Variants in GRIP1 observed in about 807,000 individuals in gnomAD.
GRIP1 encodes glutamate receptor interacting protein 1.
In GRIP1, 45 loss-of-function variants were observed where a neutral mutation model predicts 129.9. The observed-to-expected ratio is 0.35, with a 90% confidence interval of 0.27 to 0.44. The LOEUF (loss-of-function observed/expected upper bound fraction) is 0.44. Ranked by LOEUF, GRIP1 falls within the 20% of genes least tolerant of loss-of-function variation. GRIP1 has a pLI of 1.00. For missense variants in GRIP1, 1,196 were observed against 1,396.8 expected (o/e 0.86, Z 2.29); for synonymous variants, 530 against 520.8 (o/e 1.02, Z -0.24).
At chr12:66,476,970 G>C (rs1482902399) in intron 7 of GRIP1, among the ~76,000 whole-genome samples, 1 of 152,172 alleles carries the variant, frequency 6.6e-6, no homozygotes, top group Non-Finnish European at 1.5e-5. Flanking sequence ...ACCGGCACAA[G>C]ACAGGGATGC....
chr12:66,507,051 G>A (rs980091776), intron 7 of GRIP1, among the ~76,000 whole-genome samples: 11 of 152,094 alleles, frequency 7.2e-5, no homozygotes, highest in African/African-American at 9.7e-5. Context: ...AAGTTAAGTC[G>A]GTAACCCACA....
At chr12:66,566,248 G>A (rs2062753039) in intron 2 of GRIP1, among the ~76,000 whole-genome samples, 1 of 152,144 alleles carries the variant, frequency 6.6e-6, no homozygotes, top group African/African-American at 2.4e-5. Context: ...TATGATATTG[G>A]CTGTGGGTTT....
intron 1 of GRIP1, among the ~76,000 whole-genome samples, chr12:66,715,571 T>C (rs961393031): frequency 6.6e-6 from 1 of 151,754 alleles, no homozygotes; most frequent in East Asian, 1.9e-4. Flanking sequence ...TTTTCATCTT[T>C]GTTGCCCCTG....
intron 1 of GRIP1, among the ~76,000 whole-genome samples, chr12:66,658,255 T>C (rs1045870423): frequency 6.6e-6 from 1 of 152,208 alleles, no homozygotes; most frequent in African/African-American, 2.4e-5. Flanking sequence ...CAAATTACTT[T>C]GAGAACTTAA....
chr12:66,402,598 A>G (rs889520007), intron 16 of GRIP1, among the ~76,000 whole-genome samples: 22 of 152,232 alleles, frequency 1.4e-4, no homozygotes, highest in Non-Finnish European at 2.8e-4. Context: ...ACTTCCTGTG[A>G]CCAGAGAGAG....
chr12:66,967,656 C>T (rs999187368), intron 1 of GRIP1, among the ~76,000 whole-genome samples: 1 of 152,152 alleles, frequency 6.6e-6, no homozygotes, highest in African/African-American at 2.4e-5. Flanking sequence ...AGACTACAGG[C>T]TATTCAAAAT....
intron 1 of GRIP1, among the ~76,000 whole-genome samples, chr12:66,969,900 T>C (rs1701577169): frequency 1.3e-5 from 2 of 152,194 alleles, no homozygotes; most frequent in African/African-American, 2.4e-5. Context: ...TTCTTAGCTC[T>C]TTCATCGCTC....
chr12:66,633,694 A>T (rs1312796311), intron 1 of GRIP1, among the ~76,000 whole-genome samples: 2 of 152,186 alleles, frequency 1.3e-5, no homozygotes, highest in African/African-American at 4.8e-5. Flanking sequence ...TTTAACTATA[A>T]GTGACAGAAC....
intron 1 of GRIP1, among the ~76,000 whole-genome samples, chr12:66,688,771 GAAA>G (rs758109287): frequency 3.2e-5 from 4 of 124,070 alleles, no homozygotes; most frequent in African/African-American, 3.0e-5. Context: ...CACTGACTCT[GAAA>G]AAAAAAAAAA....
chr12:67,036,759 T>C (rs1284117874), intron 1 of GRIP1, among the ~76,000 whole-genome samples: 1 of 152,126 alleles, frequency 6.6e-6, no homozygotes, highest in South Asian at 2.1e-4. Flanking sequence ...TTACTAAACC[T>C]ACCCATCCAT....
intron 7 of GRIP1, among the ~76,000 whole-genome samples, chr12:66,486,321 C>T (rs1436629750): frequency 2.6e-5 from 4 of 151,592 alleles, no homozygotes; most frequent in African/African-American, 9.7e-5. Flanking sequence ...AAAAGTCTTC[C>T]AACTTAAATT....
chr12:66,623,197 G>A (rs752577496), intron 1 of GRIP1, among the ~76,000 whole-genome samples: 3 of 152,138 alleles, frequency 2.0e-5, no homozygotes, highest in Non-Finnish European at 2.9e-5. Flanking sequence ...AACATTTAGA[G>A]ATATAGCCTA....
chr12:66,545,671 G>C (rs902301313), intron 2 of GRIP1, among the ~76,000 whole-genome samples: 2 of 152,146 alleles, frequency 1.3e-5, no homozygotes, highest in African/African-American at 4.8e-5. Flanking sequence ...CAGTGTTTGA[G>C]GCATTGGAGA....
intron 1 of GRIP1, among the ~76,000 whole-genome samples, chr12:66,803,279 C>T (rs1237758198): frequency 6.6e-6 from 1 of 152,038 alleles, no homozygotes; most frequent in Non-Finnish European, 1.5e-5. Context: ...GTCATCTTCC[C>T]CCATTTGGGG....
At chr12:66,802,251 T>C (rs1371096316) in intron 1 of GRIP1, among the ~76,000 whole-genome samples, 1 of 152,126 alleles carries the variant, frequency 6.6e-6, no homozygotes, top group African/African-American at 2.4e-5. Context: ...GGGACCCAAT[T>C]TGCAACTAAC....
At chr12:66,848,425 T>C (rs1421693561) in intron 1 of GRIP1, among the ~76,000 whole-genome samples, 1 of 152,134 alleles carries the variant, frequency 6.6e-6, no homozygotes, top group African/African-American at 2.4e-5. Context: ...TAGTCCTATC[T>C]GTGGGGAGCT....
rs557127503 is a variant in GRIP1 at position 66,908,472 on chromosome 12, G to C, written c.58+160578C>G. On this transcript the variant is annotated intron_variant, in intron 1 of 1. Coordinates refer to the GRIP1 transcript ENST00000643019. ...TTCATGTAAGATCTGGCCCTTAACA[G>C]GTTAGCTGTCATGGGTGACCTTTGT... Among the ~76,000 whole-genome samples the C allele has an allele frequency of 2.0e-5, 3 of 152,336 alleles. No homozygotes were observed. In the East Asian group the frequency reaches 5.8e-4, roughly 29 times the overall value.
intron 1 of GRIP1, among the ~76,000 whole-genome samples, chr12:67,057,068 G>A (rs111931992): frequency 2.0e-5 from 3 of 152,092 alleles, no homozygotes; most frequent in African/African-American, 4.8e-5. Flanking sequence ...TGCCCACCTC[G>A]GCCTCCCTAG....
intron 1 of GRIP1, among the ~76,000 whole-genome samples, chr12:66,951,410 A>G (rs1026881665): frequency 6.6e-5 from 10 of 152,298 alleles, no homozygotes; most frequent in East Asian, 1.9e-4. Context: ...AGGAGGCAAC[A>G]GGGCACATTT....
Sources: gnomAD v4.1 joint callset for allele counts (sites outside exome capture counted in the v4.1 genomes callset) on GRCh38, gnomAD v4.1.1 for gene constraint, MANE v1.5 for transcripts, NCBI Gene and HGNC (gene_info 2026-07-23, HGNC 2026-07-21) for gene names.